WNK2: variants seen among roughly 807,000 people sequenced by gnomAD.
WNK2 encodes serine/threonine-protein kinase WNK2.
WNK2 carries 67 observed loss-of-function variants against 192.1 expected under a neutral mutation model. That is an observed-to-expected ratio of 0.35 (90% CI 0.29 to 0.43). The LOEUF (loss-of-function observed/expected upper bound fraction) is 0.43, where lower values mean the gene tolerates loss of function less well. Ranked by LOEUF, WNK2 falls within the 20% of genes least tolerant of loss-of-function variation. The pLI is 1.00. For synonymous variants in WNK2, 1,439 were observed against 1,393.9 expected (o/e 1.03, Z -0.72); for missense variants, 2,698 against 3,089.7 (o/e 0.87, Z 3.01).
intron 19 of WNK2, among the ~76,000 whole-genome samples, chr9:93,284,121 G>A (rs1848113580): frequency 6.6e-6 from 1 of 152,196 alleles, no homozygotes; most frequent in Non-Finnish European, 1.5e-5. Flanking sequence ...GTTTCAGCTT[G>A]ATGGCTTTAC....
At chr9:93,214,697 G>GCCCCCCCCCC (rs371026822) in intron 2 of WNK2, among the ~76,000 whole-genome samples, 7 of 80,220 alleles carry the variant, frequency 8.7e-5, no homozygotes, top group African/African-American at 9.3e-5. Flanking sequence ...TGAAGGTAGT[G>GCCCCCCCCCC]CCCCCCCCCC....
At chr9:93,202,491 C>A (rs1012145758) in intron 2 of WNK2, among the ~76,000 whole-genome samples, 1 of 152,092 alleles carries the variant, frequency 6.6e-6, no homozygotes, top group Admixed American at 6.5e-5. Flanking sequence ...TCAGCCCGGC[C>A]CTACCAGGGG....
intron 26 of WNK2, among the ~76,000 whole-genome samples, chr9:93,305,712 G>A (rs905928799): frequency 2.6e-5 from 4 of 152,244 alleles, no homozygotes; most frequent in African/African-American, 9.6e-5. Context: ...TTCTGGAGAA[G>A]GAAGGCAGAC....
At chr9:93,224,807 G>A (rs1056513185) in intron 2 of WNK2, among the ~76,000 whole-genome samples, 1 of 152,192 alleles carries the variant, frequency 6.6e-6, no homozygotes. Context: ...GAGCAGCCAG[G>A]AGGCCCCCGC....
chr9:93,268,116 C>T, intron 18 of WNK2, 51 bp downstream of exon 18: 1 of 1,562,880 alleles, frequency 6.4e-7, no homozygotes, highest in Non-Finnish European at 8.7e-7. Context: ...TGATGAAAGT[C>T]CCCACTCAGC....
At chr9:93,301,852 C>T (rs1851670892) in intron 26 of WNK2, among the ~76,000 whole-genome samples, 1 of 152,224 alleles carries the variant, frequency 6.6e-6, no homozygotes, top group East Asian at 1.9e-4. Context: ...ACGGCTTAGC[C>T]CCCATCAGGC....
intron 2 of WNK2, among the ~76,000 whole-genome samples, chr9:93,225,896 A>G (rs905099327): frequency 7.1e-6 from 1 of 140,814 alleles, no homozygotes; most frequent in Non-Finnish European, 1.5e-5. Context: ...CCCTGGGTGC[A>G]TGTCTTTCTG....
At chr9:93,194,801 A>G (rs1830936841) in intron 2 of WNK2, among the ~76,000 whole-genome samples, 1 of 152,200 alleles carries the variant, frequency 6.6e-6, no homozygotes, top group South Asian at 2.1e-4. Flanking sequence ...CTTGGAAGCA[A>G]CCCAGATGTC....
chr9:93,188,090 G>A (rs1425805548), intron 2 of WNK2, among the ~76,000 whole-genome samples: 1 of 152,164 alleles, frequency 6.6e-6, no homozygotes, highest in Non-Finnish European at 1.5e-5. Context: ...GCTTTACACT[G>A]TAGAGGGAGG....
At chr9:93,202,424 G>A (rs769714722) in intron 2 of WNK2, among the ~76,000 whole-genome samples, 6 of 152,142 alleles carry the variant, frequency 3.9e-5, no homozygotes, top group Non-Finnish European at 7.4e-5. Context: ...GCGCTTCCGT[G>A]GGAATGAGGA....
At chr9:93,255,616 G>A (rs1160079743) in intron 9 of WNK2, among the ~76,000 whole-genome samples, 1 of 152,134 alleles carries the variant, frequency 6.6e-6, no homozygotes, top group Admixed American at 6.5e-5. Context: ...TTCATGGCAG[G>A]GTGGAAGAGC....
At chr9:93,240,140 A>G (rs950309107) in intron 7 of WNK2, among the ~76,000 whole-genome samples, 164 bp downstream of exon 7, 3 of 152,154 alleles carry the variant, frequency 2.0e-5, no homozygotes, top group African/African-American at 4.8e-5. Context: ...GAGGTCTCAC[A>G]GCCTGGCCAC....
intron 12 of WNK2, among the ~76,000 whole-genome samples, chr9:93,261,397 A>C (rs1404359703): frequency 3.9e-5 from 6 of 152,186 alleles, no homozygotes; most frequent in Non-Finnish European, 2.9e-5. Context: ...GTCGCCCTCC[A>C]GGAGGCGGCA....
intron 12 of WNK2, among the ~76,000 whole-genome samples, chr9:93,261,569 G>A (rs1414875309): frequency 1.3e-5 from 2 of 152,222 alleles, no homozygotes; most frequent in Non-Finnish European, 2.9e-5. Flanking sequence ...ACGGAGCCCC[G>A]TTCCTGGCCT....
intron 28 of WNK2, chr9:93,317,110 G>A: frequency 3.6e-6 from 1 of 274,686 alleles, no homozygotes; most frequent in Non-Finnish European, 7.0e-6. Flanking sequence ...CCCAGGTCCT[G>A]GGGCTCTGCT....
intron 12 of WNK2, among the ~76,000 whole-genome samples, chr9:93,260,013 G>A (rs58542193): frequency 0.024 from 3,632 of 152,226 alleles, 141 homozygotes; most frequent in African/African-American, 0.084. Context: ...GATGAGGCAG[G>A]GTGACAACCC....
intron 10 of WNK2, 89 bp downstream of exon 10, chr9:93,256,543 A>G: frequency 7.2e-7 from 1 of 1,379,802 alleles, no homozygotes; most frequent in Non-Finnish European, 9.5e-7. Flanking sequence ...AGCACCTCCC[A>G]CAGACCCTTC....
At chr9:93,263,311 CTG>C in intron 14 of WNK2, 1 of 556,110 alleles carries the variant, frequency 1.8e-6, no homozygotes, top group Admixed American at 3.1e-5. Context: ...GGTCAGGAGA[CTG>C]AGAGGATCAA....
intron 7 of WNK2, among the ~76,000 whole-genome samples, chr9:93,244,465 G>GA (rs35210867): frequency 3.3e-5 from 5 of 152,044 alleles, no homozygotes; most frequent in Admixed American, 6.5e-5. Flanking sequence ...TCCTGTTTGG[G>GA]AAAAAAAATA....
Sources: gnomAD v4.1 joint callset for allele counts (sites outside exome capture counted in the v4.1 genomes callset) on GRCh38, gnomAD v4.1.1 for gene constraint, MANE v1.5 for transcripts, NCBI Gene and HGNC (gene_info 2026-07-23, HGNC 2026-07-21) for gene names.